The following C15orf40 variants were observed in gnomAD, a reference collection of about 807,000 sequenced individuals.
C15orf40 encodes the protein chromosome 15 open reading frame 40, also known as UPF0235 protein C15orf40.
In C15orf40, 9 loss-of-function variants were observed where a neutral mutation model predicts 13.9. That is an observed-to-expected ratio of 0.65 (90% CI 0.39 to 1.13). The LOEUF is 1.13. Ranked by LOEUF, C15orf40 falls within the 50% of genes most tolerant of loss-of-function variation. The pLI, the probability that C15orf40 is intolerant of heterozygous loss-of-function variation, is 0.01. For missense variants in C15orf40, 225 were observed against 188.5 expected (o/e 1.19, Z -1.13); for synonymous variants, 95 against 69.2 (o/e 1.37, Z -1.85).
chr15:82,990,887 C>A (rs2030830664), downstream of C15orf40: 1 of 459,586 alleles, frequency 2.2e-6, no homozygotes, highest in African/African-American at 1.9e-5. Flanking sequence ...GCTGATTTTA[C>A]AATGTTATAT....
chr15:82,989,423 T>C (rs562723892), downstream of C15orf40, among the ~76,000 whole-genome samples: 1 of 152,388 alleles, frequency 6.6e-6, no homozygotes, highest in South Asian at 2.1e-4. Context: ...TTAGATGTTT[T>C]TTCTGTAGAC....
At chr15:82,991,857 T>C (rs2030875638), downstream of C15orf40, 2 of 1,274,580 alleles carry the variant, frequency 1.6e-6, no homozygotes, top group African/African-American at 1.5e-5. Flanking sequence ...ACTACAGATA[T>C]TTAGTCTAGA....
At chr15:82,993,717 A>T (rs961223934), downstream of C15orf40, among the ~76,000 whole-genome samples, 1 of 152,154 alleles carries the variant, frequency 6.6e-6, no homozygotes, top group African/African-American at 2.4e-5. Flanking sequence ...AGGCTGGAGA[A>T]TCGCTTGAAC....
chr15:83,010,251 T>C lies in C15orf40; in HGVS notation c.224A>G (p.Gln75Arg), dbSNP rs780714622. ...IAIHAKPGSK[Q>R]NAVTDLTAEA... The stretch of plus-strand genomic sequence containing the variant: ...TCCAGGTATACCTGTTACAGCATTT[T>C]GTTTGGAGCCAGGTTTTGCATGGAT... Residue 75 changes from glutamine to arginine, a missense_variant, in exon 2 of 4, where the codon CAA (glutamine) becomes CGA (arginine). Gln to Arg is a conservative substitution (Grantham distance 43). Transcript: ENST00000304177. The C allele has an allele frequency of 3.7e-6, 6 of 1,614,220 alleles. No individual in the cohort carries two copies. In the Admixed American group the frequency reaches 1.0e-4, roughly 27 times the overall value.
rs1203866277 is a variant in C15orf40 at position 83,002,279 on chromosome 15, G to T, written c.*3318C>A. The T allele has an allele frequency of 1.3e-5, 2 of 152,124 alleles. No individual in the cohort carries two copies. Among genetic ancestry groups the T allele is most frequent in the East Asian group, 3.9e-4 (2 of 5,192 alleles). 9.4% of individuals were successfully genotyped at this position (152,124 alleles called of 1,614,324 possible). A position where few individuals can be genotyped will look rare whatever the true frequency, so the allele number is the denominator to read the frequency against. On this transcript the variant is annotated 3_prime_UTR_variant, in exon 4 of 4. Coordinates refer to ENST00000304177, the MANE Select transcript of C15orf40 (RefSeq NM_144597.3). ...ACAAGATACTGCTACGTTTCTCAAAGAAAAAAACTCACTAGGCAAAATGTT... is the reference window on the plus strand; with the variant it reads ...ACAAGATACTGCTACGTTTCTCAAATAAAAAAACTCACTAGGCAAAATGTT...
At position 82,998,274 on chromosome 15, in the gene C15orf40, C is replaced by T. The variant is rs1423899517; in HGVS notation, c.*7323G>A. On this transcript the variant is annotated 3_prime_UTR_variant, in exon 4 of 4. Transcript: ENST00000304177. ...GGCTGGCCGGGCGGGGGACTGACCC[C>T]CCCCCACCTCCCTCCCGGACGGGGT... The T allele has an allele frequency of 6.7e-6, 1 of 149,608 alleles. No homozygotes were observed. The highest frequency in any genetic ancestry group is 1.4e-5 in the Non-Finnish European group (1 of 72,096). The allele number at this position is 149,608 out of a possible 1,614,324, so 9.3% of individuals were successfully genotyped here. A position where few individuals can be genotyped will look rare whatever the true frequency, so the allele number is the denominator to read the frequency against.
chr15:83,004,665 T>G lies in C15orf40; in HGVS notation c.*932A>C, dbSNP rs1193798409. 1.7e-5 allele frequency: 15 copies of G among 902,800 alleles called. No homozygotes were observed. The highest frequency in any genetic ancestry group is 2.0e-5 in the Non-Finnish European group (15 of 752,670). 55.9% of individuals were successfully genotyped at this position (902,800 alleles called of 1,614,324 possible). A position where few individuals can be genotyped will look rare whatever the true frequency, so the allele number is the denominator to read the frequency against. On this transcript the variant is annotated 3_prime_UTR_variant, in exon 4 of 4. Transcript: ENST00000304177. ...CTCAAAAATTATAATTCACATTTAA[T>G]TACAAGTCATGATTTTTCTTTACTT...
chr15:82,993,135 G>A (rs1191182961), downstream of C15orf40, among the ~76,000 whole-genome samples: 3 of 152,146 alleles, frequency 2.0e-5, no homozygotes, highest in Admixed American at 6.5e-5. Context: ...TAAACACTGA[G>A]CTTATTGGCT....
At chr15:82,989,972 G>A (rs775320229), downstream of C15orf40, 18 of 1,607,998 alleles carry the variant, frequency 1.1e-5, no homozygotes, top group African/African-American at 2.2e-4. Flanking sequence ...ACGATCCTGG[G>A]GTAACAACTA....
intron 3 of C15orf40, among the ~76,000 whole-genome samples, chr15:83,007,155 T>C (rs1048280991): frequency 1.3e-5 from 2 of 152,308 alleles, no homozygotes; most frequent in South Asian, 2.1e-4. Flanking sequence ...CCAGGTGACT[T>C]TGATCTCCAC....
downstream of C15orf40, among the ~76,000 whole-genome samples, chr15:82,992,803 T>C (rs1280715482): frequency 6.6e-6 from 1 of 152,260 alleles, no homozygotes; most frequent in Admixed American, 6.5e-5. Context: ...AGGAAACCTT[T>C]TAACATGAGT....
chr15:83,011,462 C>A, intron 1 of C15orf40, 35 bp downstream of exon 1: 1 of 1,578,110 alleles, frequency 6.3e-7, no homozygotes, highest in Non-Finnish European at 8.6e-7. Context: ...ACCCCTGAGG[C>A]CCACCCCTCT....
At chr15:83,007,359 G>A (rs1277448700) in intron 3 of C15orf40, among the ~76,000 whole-genome samples, 3 of 152,212 alleles carry the variant, frequency 2.0e-5, no homozygotes, top group Non-Finnish European at 4.4e-5. Context: ...CTGACAGCAG[G>A]TTCAGGAATG....
chr15:82,994,781 T>C (rs960613659), downstream of C15orf40: 2 of 152,192 alleles, frequency 1.3e-5, no homozygotes, highest in East Asian at 3.9e-4. Flanking sequence ...TAAATAAGGC[T>C]TTGGTTAATT....
At chr15:83,011,188 A>C in intron 1 of C15orf40, 2 of 295,506 alleles carry the variant, frequency 6.8e-6, no homozygotes, top group African/African-American at 2.2e-5. Flanking sequence ...CGCTGCGGGA[A>C]CATGAATTGC....
At chr15:83,010,469 A>C in intron 1 of C15orf40, 106 bp from the exon 2 acceptor site, 17 of 1,360,620 alleles carry the variant, frequency 1.2e-5, no homozygotes, top group Non-Finnish European at 1.7e-5. Context: ...AACTAGGCTC[A>C]TCAGTGGTGT....
chr15:82,989,423 T>G (rs562723892), downstream of C15orf40, among the ~76,000 whole-genome samples: 1 of 152,270 alleles, frequency 6.6e-6, no homozygotes, highest in Non-Finnish European at 1.5e-5. Flanking sequence ...TTAGATGTTT[T>G]TTCTGTAGAC....
In C15orf40 at chr15:83,011,503, C is replaced by A. The variant is rs1490078704; in HGVS notation, c.105G>T (p.Thr35=). The stretch of plus-strand genomic sequence containing the variant: ...CACGGGACCTGCTACTGGCCTTGGT[C>A]GTCGCACCAGCCTTCTTAGGCATCT... ...CAEMPKKAGA[T]TKGKSQSKEP... is the part of the protein sequence containing the mutation. Residue 35 remains threonine (T), a synonymous_variant, in exon 1 of 4, where the codon ACG becomes ACT. Transcript: ENST00000304177. 1.2e-6 allele frequency: 2 copies of A among 1,604,856 alleles called. No homozygotes were observed. The highest frequency in any genetic ancestry group is 1.3e-5 in the African/African-American group (1 of 74,490).
chr15:83,008,700 T>C (rs1369723996), intron 2 of C15orf40, 25 bp from the exon 3 acceptor site: 6 of 1,579,242 alleles, frequency 3.8e-6, no homozygotes, highest in African/African-American at 1.4e-5. Context: ...GTGTGGACTT[T>C]ATCCTTAAGG....
Sources: gnomAD v4.1 joint callset for allele counts (sites outside exome capture counted in the v4.1 genomes callset) on GRCh38, gnomAD v4.1.1 for gene constraint, MANE v1.5 for transcripts, NCBI Gene and HGNC (gene_info 2026-07-23, HGNC 2026-07-21) for gene names.